The following STARD13 variants were observed in gnomAD, a reference collection of about 807,000 sequenced individuals.
STARD13 encodes the protein StAR related lipid transfer domain containing 13, also known as stAR-related lipid transfer protein 13.
In STARD13, 62 loss-of-function variants were observed where a neutral mutation model predicts 106.4. That is an observed-to-expected ratio of 0.58 (90% CI 0.48 to 0.72). The LOEUF is 0.72. STARD13 is among the 30% of genes least tolerant of loss of function. The pLI is 0.00. For missense variants in STARD13, 1,387 were observed against 1,424.0 expected (o/e 0.97, Z 0.42); for synonymous variants, 565 against 553.0 (o/e 1.02, Z -0.31).
chr13:33,170,609 A>T (rs1883847256), intron 1 of STARD13, among the ~76,000 whole-genome samples: 1 of 152,210 alleles, frequency 6.6e-6, no homozygotes, highest in African/African-American at 2.4e-5. Flanking sequence ...AAATGACAAC[A>T]AAACTGCAAT....
the STARD13 span, chr13:33,383,732 G>A: frequency 1.7e-5 from 2 of 117,524 alleles, no homozygotes; most frequent in Non-Finnish European, 3.3e-5. Context: ...ACTCCAGTCT[G>A]AGAAACGGAG....
chr13:33,613,949 C>A, the STARD13 span, among the ~76,000 whole-genome samples: 3 of 152,174 alleles, frequency 2.0e-5, no homozygotes, highest in Admixed American at 6.5e-5. Flanking sequence ...CATGAGATTA[C>A]AAAGAAACAC....
the STARD13 span, among the ~76,000 whole-genome samples, chr13:33,426,046 A>G: frequency 1.7e-4 from 26 of 152,146 alleles, no homozygotes; most frequent in African/African-American, 5.3e-4. Context: ...TTTCTATACT[A>G]CTTCCATAAA....
At chr13:33,146,111 G>A (rs1214647957) in intron 3 of STARD13, among the ~76,000 whole-genome samples, 5 of 152,180 alleles carry the variant, frequency 3.3e-5, no homozygotes, top group Non-Finnish European at 4.4e-5. Flanking sequence ...GATCACCTGA[G>A]GTGAGGAGTT....
chr13:33,129,732 C>A lies in STARD13; in HGVS notation c.945G>T (p.Pro315=). Residue 315 remains proline, a synonymous_variant, in exon 5 of 14, where the codon CCG becomes CCT. Coordinates refer to ENST00000336934, the MANE Select transcript of STARD13 (RefSeq NM_178006.4). ...GGAGCCCTTTTCTGCAGGCAGGTGG[C>A]GGCGAATTCTGGAGATCTCCATTTG... ...QIPNGDLQNS[P]PPACRKGLPC... 6.2e-7 allele frequency: 1 copy of A among 1,614,074 alleles called. No individual in the cohort carries two copies. The highest frequency in any genetic ancestry group is 1.6e-4 in the Middle Eastern group (1 of 6,062).
chr13:33,343,351 C>T (rs536515054), intron 1 of STARD13, among the ~76,000 whole-genome samples: 1 of 151,072 alleles, frequency 6.6e-6, no homozygotes, highest in Non-Finnish European at 1.5e-5. Context: ...GAGGTGGGAA[C>T]ATTGTTTGAG....
chr13:33,542,607 C>G, the STARD13 span, among the ~76,000 whole-genome samples: 2 of 152,214 alleles, frequency 1.3e-5, no homozygotes, highest in Non-Finnish European at 2.9e-5. Flanking sequence ...GCAACCAGGG[C>G]CCGCTGGCGC....
At position 33,130,061 on chromosome 13, in the gene STARD13, T is replaced by C. The variant is rs1259870128; in HGVS notation, c.616A>G (p.Ser206Gly). Residue 206 changes from serine to glycine, a missense_variant, in exon 5 of 14, where the codon AGC becomes GGC. Coordinates refer to ENST00000336934, the MANE Select transcript of STARD13 (RefSeq NM_178006.4). The surrounding 1 kb of genome is among the most constrained non-coding windows in gnomAD (Gnocchi z 4.1). ...CSIHSESSGG[S>G]DSRSQPGQCC... ...TGGCCCGGCTGGCTGCGACTGTCGC[T>C]GCCTCCACTGCTTTCGCTGTGAATG... 1 of 1,613,794 alleles carries C rather than the reference T, an allele frequency of 6.2e-7. No homozygotes were observed. The highest frequency in any genetic ancestry group is 1.7e-5 in the Admixed American group (1 of 59,996).
chr13:33,499,603 CTTTCTTCTTCTTCTT>C, the STARD13 span, among the ~76,000 whole-genome samples: 35 of 47,298 alleles, frequency 7.4e-4, no homozygotes, highest in South Asian at 1.7e-3. Context: ...TCTTCTTCTT[CTTTCTTCTTCTTCTT>C]CTTCTTCTTC....
chr13:33,250,784 C>T (rs907310039), intron 1 of STARD13, among the ~76,000 whole-genome samples: 1 of 152,232 alleles, frequency 6.6e-6, no homozygotes, highest in Non-Finnish European at 1.5e-5. Context: ...AGCATCCCTT[C>T]CAGATGTCTT....
At chr13:33,290,638 C>T (rs11620337), upstream of STARD13, among the ~76,000 whole-genome samples, 50,807 of 152,160 alleles carry the variant, frequency 0.33, 9,057 homozygotes, top group South Asian at 0.49. Flanking sequence ...TTTACTTTGT[C>T]TCTCAGCCCT....
intron 1 of STARD13, among the ~76,000 whole-genome samples, chr13:33,274,417 C>T (rs1042770117): frequency 6.6e-6 from 1 of 152,132 alleles, no homozygotes; most frequent in Admixed American, 6.5e-5. Context: ...CAAACCCTGC[C>T]GGCACCTTGT....
At chr13:33,545,858 G>T in the STARD13 span, among the ~76,000 whole-genome samples, 1 of 152,162 alleles carries the variant, frequency 6.6e-6, no homozygotes, top group South Asian at 2.1e-4. Flanking sequence ...ATAGCTGCTG[G>T]TACCATGCTT....
the STARD13 span, among the ~76,000 whole-genome samples, chr13:33,602,603 C>T: frequency 6.6e-6 from 1 of 152,158 alleles, no homozygotes; most frequent in Non-Finnish European, 1.5e-5. Context: ...GTGAAGCTGA[C>T]CCAATAGTCC....
chr13:33,262,648 CCA>C (rs1187828245), intron 1 of STARD13, among the ~76,000 whole-genome samples: 3 of 141,200 alleles, frequency 2.1e-5, no homozygotes, highest in South Asian at 2.3e-4. Flanking sequence ...ACCCCCCCCC[CCA>C]CACACACACA....
At chr13:33,474,832 A>G in the STARD13 span, among the ~76,000 whole-genome samples, 1 of 152,210 alleles carries the variant, frequency 6.6e-6, no homozygotes, top group Admixed American at 6.5e-5. Context: ...AAGTAGCTGA[A>G]TCCTCTGAGC....
At chr13:33,297,709 TCTCC>T (rs1892550992) in intron 1 of STARD13, among the ~76,000 whole-genome samples, 1 of 152,082 alleles carries the variant, frequency 6.6e-6, no homozygotes, top group Non-Finnish European at 1.5e-5. Flanking sequence ...AATTCTTAAA[TCTCC>T]ATTTTTAAAA....
At chr13:33,571,370 TATTTA>T in the STARD13 span, among the ~76,000 whole-genome samples, 7 of 152,214 alleles carry the variant, frequency 4.6e-5, no homozygotes, top group African/African-American at 1.7e-4. Flanking sequence ...ATTTTGAGTT[TATTTA>T]TTTTGCTTTT....
the STARD13 span, among the ~76,000 whole-genome samples, chr13:33,609,085 C>CAAAAAA: frequency 7.9e-5 from 4 of 50,568 alleles, no homozygotes; most frequent in South Asian, 6.2e-4. Context: ...GACTCCGTCT[C>CAAAAAA]AAAAAAAAAA....
Sources: gnomAD v4.1 joint callset for allele counts (sites outside exome capture counted in the v4.1 genomes callset) on GRCh38, gnomAD v4.1.1 for gene constraint, Gnocchi (gnomAD v3.1) non-coding constraint, MANE v1.5 for transcripts, NCBI Gene and HGNC (gene_info 2026-07-23, HGNC 2026-07-21) for gene names.